Variants in DNAJC10 observed in about 807,000 individuals in gnomAD.
DNAJC10 encodes the protein DnaJ heat shock protein family (Hsp40) member C10.
DNAJC10 carries 101 observed loss-of-function variants against 115.0 expected under a neutral mutation model. The observed-to-expected ratio is 0.88, with a 90% CI of 0.75 to 1.04. The LOEUF (loss-of-function observed/expected upper bound fraction) is 1.04. Among genes scored for constraint, DNAJC10 ranks in the 50% least tolerant of loss-of-function variants. The probability of loss-of-function intolerance (pLI) is 0.00; values close to 1 mark genes in which losing one functional copy is unlikely to be tolerated. For missense variants in DNAJC10, 981 were observed against 928.8 expected (o/e 1.06, Z -0.73); for synonymous variants, 307 against 301.5 (o/e 1.02, Z -0.19).
At chr2:182,748,570 G>GATAAA (rs1693933093) in intron 14 of DNAJC10, among the ~76,000 whole-genome samples, 1 of 151,992 alleles carries the variant, frequency 6.6e-6, no homozygotes, top group African/African-American at 2.4e-5. Flanking sequence ...TGGGATTGGT[G>GATAAA]GTGATATCCC....
chr2:182,758,892 T>A lies in DNAJC10; in HGVS notation c.1997+2T>A, dbSNP rs1449406631. 6.3e-7 allele frequency: 1 copy of A among 1,590,062 alleles called. No individual in the cohort carries two copies. Among genetic ancestry groups the A allele is most frequent in the Non-Finnish European group, 8.6e-7 (1 of 1,158,818 alleles). On this transcript the variant is annotated splice_donor_variant, in intron 20 of 23. Transcript: ENST00000264065. LOFTEE classifies it high-confidence loss of function. ...TTCCCTGAGAATCTGGGGTCTAGGG[T>A]GAGTAATTAAAATATATATCATTGT...
At chr2:182,730,992 A>T in intron 8 of DNAJC10, 38 bp from the exon 9 acceptor site, 1 of 1,390,370 alleles carries the variant, frequency 7.2e-7, no homozygotes, top group Non-Finnish European at 1.0e-6. Context: ...AAGGAGTAAT[A>T]GGTGATCAGA....
chr2:182,755,589 T>TTTGTC (rs1694138173), intron 17 of DNAJC10, among the ~76,000 whole-genome samples: 1 of 152,178 alleles, frequency 6.6e-6, no homozygotes, highest in Admixed American at 6.5e-5. Flanking sequence ...GACGTAATGT[T>TTTGTC]TTGTCTTGTT....
chr2:182,759,149 A>G lies in DNAJC10; in HGVS notation c.1998-11A>G, dbSNP rs201874326. 527 of 1,566,214 alleles carry G rather than the reference A, an allele frequency of 3.4e-4. 1 individual carries two copies. The highest frequency in any genetic ancestry group is 4.3e-4 in the Non-Finnish European group (497 of 1,160,882). On this transcript the variant is annotated splice_polypyrimidine_tract_variant and intron_variant, in intron 20 of 23. Coordinates refer to ENST00000264065, the MANE Select transcript of DNAJC10 (RefSeq NM_018981.4). ...TATATAATGAAAAATGATTTTGATC[A>G]TTTGCCACAGATTTTTACCTCAAGT...
In DNAJC10 at chr2:182,789,896, T is replaced by G. The variant is rs1271040366; in HGVS notation, c.*12764T>G. Reference sequence around the variant, plus strand: ...GTTCATATCCCATTGGAGTTTTGATTTGTACTTTTAGAGTCTTTAAATTAT... The same window carrying G: ...GTTCATATCCCATTGGAGTTTTGATGTGTACTTTTAGAGTCTTTAAATTAT... On this transcript the variant is annotated 3_prime_UTR_variant, in exon 24 of 24. Transcript: ENST00000264065. 6.6e-6 allele frequency: 1 copy of G among 152,212 alleles called. No individual in the cohort carries two copies. Among genetic ancestry groups the G allele is most frequent in the Non-Finnish European group, 1.5e-5 (1 of 68,040 alleles). 9.4% of individuals were successfully genotyped at this position (152,212 alleles called of 1,614,324 possible).
At chr2:182,776,798 C>T (rs1231685974) in intron 23 of DNAJC10, among the ~76,000 whole-genome samples, 1 of 152,080 alleles carries the variant, frequency 6.6e-6, no homozygotes, top group Non-Finnish European at 1.5e-5. Flanking sequence ...TAACTTTTAT[C>T]TCATTAAATA....
At chr2:182,728,232 G>A (rs1693341793) in intron 5 of DNAJC10, among the ~76,000 whole-genome samples, 1 of 152,066 alleles carries the variant, frequency 6.6e-6, no homozygotes, top group Admixed American at 6.6e-5. Context: ...CTTACGTGAG[G>A]TTTGGCTGCT....
chr2:182,767,486 G>A (rs535498116), intron 22 of DNAJC10, among the ~76,000 whole-genome samples: 1 of 152,196 alleles, frequency 6.6e-6, no homozygotes, highest in African/African-American at 2.4e-5. Context: ...TTTATGCATG[G>A]GTCCCATCCT....
intron 8 of DNAJC10, among the ~76,000 whole-genome samples, chr2:182,730,228 GT>G (rs1693408664): frequency 6.6e-6 from 1 of 152,130 alleles, no homozygotes; most frequent in African/African-American, 2.4e-5. Flanking sequence ...TAATACAAGT[GT>G]TTTATTGCTT....
Position 182,791,556 on chromosome 2 carries a change from A to G in DNAJC10, c.*14424A>G, listed in dbSNP as rs114893394. 7.4e-4 allele frequency: 112 copies of G among 152,262 alleles called. No individual in the cohort carries two copies. The highest frequency in any genetic ancestry group is 2.6e-3 in the African/African-American group (110 of 41,548). The allele number at this position is 152,262 out of a possible 1,614,324, so 9.4% of individuals were successfully genotyped here. A position where few individuals can be genotyped will look rare whatever the true frequency, so the allele number is the denominator to read the frequency against. On this transcript the variant is annotated 3_prime_UTR_variant, in exon 24 of 24. Transcript: ENST00000264065. ...AGTTGTTAGCAAAATATTGGTCAAA[A>G]CTTTTTCAGTTTAATGAGTTTCAAG...
At position 182,738,789 on chromosome 2, in the gene DNAJC10, C is replaced by T. The variant is rs560467970; in HGVS notation, c.988-1510C>T. 4.6e-5 allele frequency among the ~76,000 whole-genome samples: 7 copies of T among 152,232 alleles called. No homozygotes were observed. The South Asian group carries it at 1.2e-3, about 27-fold the overall frequency. On this transcript the variant is annotated intron_variant, in intron 11 of 23. Coordinates refer to ENST00000264065, the MANE Select transcript of DNAJC10 (RefSeq NM_018981.4). ...TCTCCTGACCTTGTGATCTGCCGGC[C>T]TCGGCCTCCCAAAGTGTTGGGATTA... is the stretch of plus-strand genomic sequence containing the variant.
chr2:182,728,114 T>C (rs1373059732), intron 5 of DNAJC10, among the ~76,000 whole-genome samples: 1 of 152,242 alleles, frequency 6.6e-6, no homozygotes. Context: ...TTACAGTAGC[T>C]GTCAGAATTG....
At chr2:182,774,861 C>T (rs1694663086) in intron 22 of DNAJC10, among the ~76,000 whole-genome samples, 1 of 152,220 alleles carries the variant, frequency 6.6e-6, no homozygotes, top group African/African-American at 2.4e-5. Flanking sequence ...CCTCTGTGGG[C>T]TGCACCCACT....
At chr2:182,718,683 T>C (rs921957356) in intron 3 of DNAJC10, among the ~76,000 whole-genome samples, 8 of 152,226 alleles carry the variant, frequency 5.3e-5, no homozygotes, top group Non-Finnish European at 8.8e-5. Flanking sequence ...ATAGAAGTAA[T>C]AGCTAATAAT....
At chr2:182,740,214 C>G in intron 11 of DNAJC10, 85 bp from the exon 12 acceptor site, 2 of 1,178,202 alleles carry the variant, frequency 1.7e-6, no homozygotes, top group Non-Finnish European at 2.2e-6. Flanking sequence ...CCTAAAAATA[C>G]TACATTGGAA....
chr2:182,718,610 C>G (rs1574913408), intron 3 of DNAJC10, among the ~76,000 whole-genome samples: 1 of 152,118 alleles, frequency 6.6e-6, no homozygotes, highest in African/African-American at 2.4e-5. Context: ...AGGTTAAGAT[C>G]AAGTGTTTTA....
Position 182,791,619 on chromosome 2 carries a change from C to T in DNAJC10, c.*14487C>T, listed in dbSNP as rs182867083. Reference sequence around the variant, plus strand: ...CTGGCCTCTGTGAACTCTTTCTTGACAAGTGAAACCTGGCTCCAACAATGA... The same window carrying T: ...CTGGCCTCTGTGAACTCTTTCTTGATAAGTGAAACCTGGCTCCAACAATGA... On this transcript the variant is annotated 3_prime_UTR_variant, in exon 24 of 24. Coordinates refer to ENST00000264065, the MANE Select transcript of DNAJC10 (RefSeq NM_018981.4). 5.9e-5 allele frequency: 9 copies of T among 152,244 alleles called. No homozygotes were observed. The highest frequency in any genetic ancestry group is 3.3e-4 in the Admixed American group (5 of 15,288). 9.4% of individuals were successfully genotyped at this position (152,244 alleles called of 1,614,324 possible).
At position 182,791,312 on chromosome 2, in the gene DNAJC10, C is replaced by G. The variant is rs1000625547; in HGVS notation, c.*14180C>G. 6.6e-6 allele frequency: 1 copy of G among 151,980 alleles called. No homozygotes were observed. Among genetic ancestry groups the G allele is most frequent in the African/African-American group, 2.4e-5 (1 of 41,374 alleles). 9.4% of individuals were successfully genotyped at this position (151,980 alleles called of 1,614,324 possible). On this transcript the variant is annotated 3_prime_UTR_variant, in exon 24 of 24. Coordinates refer to ENST00000264065, the MANE Select transcript of DNAJC10 (RefSeq NM_018981.4). The stretch of plus-strand genomic sequence containing the variant: ...CTTAACATAGAAACTCACCCAGCCT[C>G]AAAAGTTAAAAATTAAGAGAGATAT...
intron 12 of DNAJC10, among the ~76,000 whole-genome samples, chr2:182,740,786 T>C (rs1284202855): frequency 2.6e-5 from 4 of 152,294 alleles, no homozygotes; most frequent in East Asian, 3.9e-4. Flanking sequence ...ATCAGTTTTT[T>C]TTCCTATTAG....
Sources: gnomAD v4.1 joint callset for allele counts (sites outside exome capture counted in the v4.1 genomes callset) on GRCh38, gnomAD v4.1.1 for gene constraint, MANE v1.5 for transcripts, NCBI Gene and HGNC (gene_info 2026-07-23, HGNC 2026-07-21) for gene names.